The following GCNA variants were observed in gnomAD, a reference collection of about 807,000 sequenced individuals.
GCNA encodes germ cell nuclear acidic protein.
A neutral mutation model predicts 38.8 loss-of-function variants in GCNA; 3 were observed. The observed-to-expected ratio is 0.08, with a 90% CI of 0.04 to 0.20. The LOEUF (loss-of-function observed/expected upper bound fraction) is 0.20, where lower values mean the gene tolerates loss of function less well. Among genes scored for constraint, GCNA ranks in the 10% least tolerant of loss-of-function variants. The probability of loss-of-function intolerance (pLI) is 1.00; values close to 1 mark genes in which losing one functional copy is unlikely to be tolerated. For synonymous variants in GCNA, 195 were observed against 240.2 expected, an observed-to-expected ratio of 0.81 and a Z score of 1.74; for missense variants, 446 against 578.6, an observed-to-expected ratio of 0.77 and a Z score of 2.35.
In GCNA at chrX:71,603,860, G is replaced by C; in HGVS notation, c.583G>C (p.Asp195His). ...GGATGTTCCCGACGACAACAGTGAT[G>C]ATTCATCCGACGACAACAGTGATGA... is the stretch of plus-strand genomic sequence containing the variant. ...DSDVPDDNSD[D>H]SSDDNSDDSS... is the part of the protein sequence containing the mutation. The change falls in exon 8 of 13, where the codon GAT becomes CAT. Residue 195 changes from aspartate to histidine, a missense_variant. By Grantham distance (81) the Asp-to-His change is moderately conservative (BLOSUM62 -1). Around this residue, in one of 7 missense-constraint regions of GCNA, gnomAD observed 118 missense variants for 122.8 expected, o/e 0.96. Transcript: ENST00000373696. 1 of 1,208,450 alleles carries C rather than the reference G, an allele frequency of 8.3e-7. No individual in the cohort carries two copies. Among genetic ancestry groups the C allele is most frequent in the Non-Finnish European group, 1.1e-6 (1 of 894,580 alleles).
At chrX:71,600,677 A>G (rs1410084549) in intron 7 of GCNA, among the ~76,000 whole-genome samples, 2 of 112,052 alleles carry the variant, frequency 1.8e-5, no homozygotes, top group Non-Finnish European at 3.8e-5. Context: ...TCTTTTTTAA[A>G]AAATAATTTT....
intron 11 of GCNA, among the ~76,000 whole-genome samples, chrX:71,611,394 G>A (rs969004332): frequency 2.7e-5 from 3 of 111,770 alleles, no homozygotes; most frequent in African/African-American, 9.8e-5. Flanking sequence ...CAGGCTGGGT[G>A]TGGTGGCACC....
In GCNA at chrX:71,612,291, A is replaced by G. The variant is rs1157427360; in HGVS notation, c.1751-64A>G. 5.4e-6 allele frequency: 4 copies of G among 746,414 alleles called. No homozygotes were observed. In the African/African-American group the frequency reaches 9.1e-5, roughly 17 times the overall value. The allele number at this position is 746,414 out of a possible 1,213,427, so 61.5% of individuals were successfully genotyped here. On this transcript the variant is annotated intron_variant, in intron 11 of 12. Transcript: ENST00000373696. The stretch of plus-strand genomic sequence containing the variant: ...AGACTATCTCAAAAAAGGAAAAAAA[A>G]AAAAAAAAAAAAAAAAAGAGGATTG...
intron 2 of GCNA, among the ~76,000 whole-genome samples, chrX:71,585,120 G>C (rs773279149): frequency 9.1e-6 from 1 of 109,469 alleles, no homozygotes; most frequent in African/African-American, 3.3e-5. Context: ...AGACCAGCCT[G>C]GCCAACATGG....
At chrX:71,595,210 C>G (rs1404889395) in intron 6 of GCNA, among the ~76,000 whole-genome samples, 1 of 111,937 alleles carries the variant, frequency 8.9e-6, no homozygotes, top group Non-Finnish European at 1.9e-5. Flanking sequence ...GATTCTTCTC[C>G]TCAGCCTCTC....
chrX:71,604,736 C>T (rs2040755388), intron 8 of GCNA, 60 bp downstream of exon 8: 2 of 1,170,301 alleles, frequency 1.7e-6, no homozygotes, highest in Admixed American at 2.5e-5. Context: ...GCCAAATGTG[C>T]CTGTGTTATC....
chrX:71,586,505 C>A (rs938968628), intron 2 of GCNA, among the ~76,000 whole-genome samples: 5 of 111,650 alleles, frequency 4.5e-5, no homozygotes, highest in Non-Finnish European at 9.4e-5. Context: ...AATTATTTGG[C>A]ATTACTGGGT....
At chrX:71,596,877 G>C (rs1025643849) in intron 6 of GCNA, among the ~76,000 whole-genome samples, 1 of 111,908 alleles carries the variant, frequency 8.9e-6, no homozygotes, top group Non-Finnish European at 1.9e-5. Context: ...TAAACAAATC[G>C]GTAAGGCCGT....
At chrX:71,596,080 G>A (rs1377283193) in intron 6 of GCNA, among the ~76,000 whole-genome samples, 3 of 111,541 alleles carry the variant, frequency 2.7e-5, no homozygotes, top group Non-Finnish European at 5.6e-5. Flanking sequence ...GCAGGGTGTG[G>A]TAGCATGTGC....
intron 1 of GCNA, 85 bp downstream of exon 1, chrX:71,578,607 A>T (rs1215292906): frequency 8.9e-6 from 1 of 111,940 alleles, no homozygotes; most frequent in Non-Finnish European, 1.9e-5. Context: ...TAAAATCAGG[A>T]CCACTGTATA....
intron 2 of GCNA, among the ~76,000 whole-genome samples, chrX:71,581,605 T>G (rs2040547256): frequency 8.9e-6 from 1 of 112,105 alleles, no homozygotes; most frequent in African/African-American, 3.2e-5. Flanking sequence ...TGGGGAAAAA[T>G]ATGGATTAGT....
At chrX:71,608,632 A>G (rs2040786781) in intron 9 of GCNA, among the ~76,000 whole-genome samples, 2 of 112,867 alleles carry the variant, frequency 1.8e-5, no homozygotes, top group Admixed American at 1.9e-4. Flanking sequence ...AAGTTTGATA[A>G]TTGAACACAC....
intron 10 of GCNA, among the ~76,000 whole-genome samples, chrX:71,610,035 C>T (rs1376592695): frequency 9.0e-6 from 1 of 111,374 alleles, no homozygotes; most frequent in Non-Finnish European, 1.9e-5. Context: ...GCCTCGCCCA[C>T]CTCAGCAGGG....
At chrX:71,604,917 C>T (rs1178823960) in intron 8 of GCNA, among the ~76,000 whole-genome samples, 1 of 112,258 alleles carries the variant, frequency 8.9e-6, no homozygotes, top group African/African-American at 3.2e-5. Flanking sequence ...AGAGTGCTGT[C>T]TCCCTGAACC....
chrX:71,600,779 G>A (rs770655647), intron 7 of GCNA, among the ~76,000 whole-genome samples: 1 of 112,278 alleles, frequency 8.9e-6, no homozygotes, highest in South Asian at 3.7e-4. Context: ...TCACATCATA[G>A]AGAATGCAGT....
intron 1 of GCNA, among the ~76,000 whole-genome samples, chrX:71,579,495 C>G (rs1422083177): frequency 1.7e-5 from 1 of 60,522 alleles, no homozygotes; most frequent in Non-Finnish European, 3.0e-5. Context: ...TGCTGGTGGG[C>G]GTGGGGAGAA....
chrX:71,611,995 G>A (rs939220260), intron 11 of GCNA, among the ~76,000 whole-genome samples: 1 of 109,694 alleles, frequency 9.1e-6, no homozygotes, highest in Non-Finnish European at 1.9e-5. Flanking sequence ...GATTGGGGCC[G>A]GGTGTGGTGG....
At chrX:71,582,086 C>G (rs1015203158) in intron 2 of GCNA, among the ~76,000 whole-genome samples, 1 of 108,658 alleles carries the variant, frequency 9.2e-6, no homozygotes, top group African/African-American at 3.4e-5. Context: ...CCAGCCTGAG[C>G]AAGATGATGA....
chrX:71,613,516 G>A lies in GCNA; in HGVS notation c.*534G>A, dbSNP rs1343044265. 1 of 113,617 alleles carries A rather than the reference G, an allele frequency of 8.8e-6. No homozygotes were observed. Among genetic ancestry groups the A allele is most frequent in the African/African-American group, 3.2e-5 (1 of 30,894 alleles). The allele number at this position is 113,617 out of a possible 1,213,427, so 9.4% of individuals were successfully genotyped here. On this transcript the variant is annotated 3_prime_UTR_variant, in exon 13 of 13. Transcript: ENST00000373696. ...AAGACAAACGTGTTTCATAAAATTC[G>A]TTGTTGATGGTATTGATTGAAACTA...
Sources: allele counts gnomAD v4.1 joint callset (sites outside exome capture counted in the v4.1 genomes callset), GRCh38; gene constraint gnomAD v4.1.1; regional missense constraint gnomAD v4.1.1; transcripts MANE v1.5; gene names NCBI Gene and HGNC (gene_info 2026-07-23, HGNC 2026-07-21).